AK7: variants seen among roughly 807,000 people sequenced by gnomAD.
AK7 encodes ATP-AMP transphosphorylase 7.
In AK7, 78 loss-of-function variants were observed where a neutral mutation model predicts 96.6. The ratio of observed to expected loss-of-function variants is 0.81; its 90% CI spans 0.67 to 0.97. The LOEUF is 0.97. Among genes scored for constraint, AK7 ranks in the 50% least tolerant of loss-of-function variants. The probability of loss-of-function intolerance (pLI) is 0.00; values close to 1 mark genes in which losing one functional copy is unlikely to be tolerated. For missense variants in AK7, 855 were observed against 887.9 expected (o/e 0.96, Z 0.47); for synonymous variants, 302 against 317.2 (o/e 0.95, Z 0.51).
chr14:96,473,821 G>T (rs998233932), intron 14 of AK7, among the ~76,000 whole-genome samples: 5 of 152,140 alleles, frequency 3.3e-5, no homozygotes, highest in African/African-American at 4.8e-5. Context: ...TGCTAACCGT[G>T]CCCTCATCTC....
At chr14:96,451,763 A>G (rs983496628) in intron 10 of AK7, among the ~76,000 whole-genome samples, 193 bp downstream of exon 10, 7 of 152,222 alleles carry the variant, frequency 4.6e-5, no homozygotes, top group Non-Finnish European at 2.9e-5. Context: ...TGAACCAAAC[A>G]TGAACAGTTT....
At chr14:96,464,247 T>A (rs1894430144) in intron 12 of AK7, among the ~76,000 whole-genome samples, 3 of 151,888 alleles carry the variant, frequency 2.0e-5, no homozygotes, top group African/African-American at 4.8e-5. Flanking sequence ...AGTGCTTGCA[T>A]GTATAGGTTG....
At position 96,459,261 on chromosome 14, in the gene AK7, C is replaced by G. The variant is rs1894121880; in HGVS notation, c.1357+1049C>G. Among the ~76,000 whole-genome samples, 3 of 151,890 alleles carry G rather than the reference C, an allele frequency of 2.0e-5. No individual in the cohort carries two copies. In the South Asian group the frequency reaches 6.2e-4, roughly 32 times the overall value. On this transcript the variant is annotated intron_variant, in intron 12 of 17. Transcript: ENST00000267584. ...GGTGAGGCAGGAGAATCGCTTGAAC[C>G]CGGGAGGTGGAGGCTGCAGTGAGCC...
intron 4 of AK7, among the ~76,000 whole-genome samples, chr14:96,412,766 C>T (rs1295199049): frequency 1.3e-5 from 2 of 151,874 alleles, no homozygotes; most frequent in South Asian, 2.1e-4. Flanking sequence ...GGGGTTTCAC[C>T]GTGTTGGCCA....
At position 96,485,951 on chromosome 14, in the gene AK7, G is replaced by T. The variant is rs566830671; in HGVS notation, c.1975-947G>T. Among the ~76,000 whole-genome samples, 52 of 151,982 alleles carry T rather than the reference G, an allele frequency of 3.4e-4. 1 individual carries two copies. The highest frequency in any genetic ancestry group is 1.2e-3 in the African/African-American group (51 of 41,438). On this transcript the variant is annotated intron_variant, in intron 16 of 17. Transcript: ENST00000267584. ...GCTGGGACTACAGGTGCCCGCCACC[G>T]CGCCCGGTTAATTTTTTTGTATTTT...
At chr14:96,461,152 A>G (rs76575197) in intron 12 of AK7, among the ~76,000 whole-genome samples, 2 of 152,206 alleles carry the variant, frequency 1.3e-5, no homozygotes, top group East Asian at 3.9e-4. Context: ...GGGGAGCACT[A>G]TGTTGGTTTT....
intron 12 of AK7, among the ~76,000 whole-genome samples, chr14:96,458,763 T>C (rs1418759755): frequency 6.8e-6 from 1 of 148,094 alleles, no homozygotes; most frequent in East Asian, 2.0e-4. Flanking sequence ...AAAAAAAAAT[T>C]AGCTGAGCAT....
chr14:96,465,856 A>C (rs1410329057), intron 12 of AK7, among the ~76,000 whole-genome samples: 1 of 151,930 alleles, frequency 6.6e-6, no homozygotes, highest in Non-Finnish European at 1.5e-5. Context: ...CTAAAAATAC[A>C]AAAATTAGCC....
intron 5 of AK7, among the ~76,000 whole-genome samples, chr14:96,436,253 T>C (rs990319831): frequency 1.3e-5 from 2 of 152,148 alleles, no homozygotes; most frequent in African/African-American, 4.8e-5. Context: ...ATTTTTAAAA[T>C]CTCTATTGTA....
intron 11 of AK7, 67 bp from the exon 12 acceptor site, chr14:96,458,016 C>T: frequency 6.3e-7 from 1 of 1,578,706 alleles, no homozygotes; most frequent in Non-Finnish European, 8.6e-7. Flanking sequence ...GATCACCTGC[C>T]AGCTGATTTG....
intron 14 of AK7, among the ~76,000 whole-genome samples, chr14:96,476,691 TGAGTCATAAAGAGAA>T (rs1895206215): frequency 6.6e-6 from 1 of 152,150 alleles, no homozygotes; most frequent in Non-Finnish European, 1.5e-5. Context: ...TGAAGTTCTC[TGAGTCATAAAGAGAA>T]TGAACATTTT....
intron 4 of AK7, among the ~76,000 whole-genome samples, chr14:96,415,736 C>CATTA (rs1451142122): frequency 0.019 from 2,807 of 148,604 alleles, 104 homozygotes; most frequent in African/African-American, 0.031. Flanking sequence ...AATTTTAATA[C>CATTA]ATTAATTAAA....
chr14:96,479,234 G>A (rs1474495992), intron 15 of AK7, among the ~76,000 whole-genome samples: 1 of 151,884 alleles, frequency 6.6e-6, no homozygotes, highest in Non-Finnish European at 1.5e-5. Flanking sequence ...ACACCACAGT[G>A]CCCGGCTAAT....
chr14:96,482,516 G>A (rs1049652348), intron 15 of AK7, among the ~76,000 whole-genome samples: 5 of 152,060 alleles, frequency 3.3e-5, no homozygotes, highest in African/African-American at 1.2e-4. Context: ...CAGATATTCT[G>A]GAGTCTGGAT....
intron 6 of AK7, among the ~76,000 whole-genome samples, chr14:96,439,722 C>T (rs867260533): frequency 1.3e-5 from 2 of 150,958 alleles, no homozygotes; most frequent in Non-Finnish European, 2.9e-5. Flanking sequence ...TCAGATACTG[C>T]AGATAATCAA....
intron 12 of AK7, among the ~76,000 whole-genome samples, chr14:96,464,862 C>T (rs1304323296): frequency 6.6e-6 from 1 of 152,074 alleles, no homozygotes; most frequent in African/African-American, 2.4e-5. Context: ...AGTGCTCAAC[C>T]CCCTGGGAAT....
rs1014462731 is a variant in AK7 at position 96,466,998 on chromosome 14, A to G, written c.1358-4480A>G. Among the ~76,000 whole-genome samples, 8 of 152,012 alleles carry G rather than the reference A, an allele frequency of 5.3e-5. No homozygotes were observed. The East Asian group carries it at 1.4e-3, about 26-fold the overall frequency. On this transcript the variant is annotated intron_variant, in intron 12 of 17. Transcript: ENST00000267584. The stretch of plus-strand genomic sequence containing the variant: ...AAAATGTAACTGAAAGCAAATAACC[A>G]ACAACTCAGAATATTACTGAGGAAA...
At chr14:96,417,435 A>C (rs1309623693) in intron 4 of AK7, among the ~76,000 whole-genome samples, 6 of 152,214 alleles carry the variant, frequency 3.9e-5, no homozygotes, top group African/African-American at 1.4e-4. Context: ...TAATTGTGCA[A>C]TATGTATTCA....
intron 4 of AK7, 41 bp from the exon 5 acceptor site, chr14:96,420,781 A>G (rs1349936517): frequency 1.4e-6 from 2 of 1,420,036 alleles, no homozygotes; most frequent in Non-Finnish European, 2.0e-6. Context: ...ACACATCTCT[A>G]ATTCACCAAG....
Sources: gnomAD v4.1 joint callset for allele counts (sites outside exome capture counted in the v4.1 genomes callset) on GRCh38, gnomAD v4.1.1 for gene constraint, MANE v1.5 for transcripts, NCBI Gene and HGNC (gene_info 2026-07-23, HGNC 2026-07-21) for gene names.